The following PLPPR1 variants were observed in gnomAD, a reference collection of about 807,000 sequenced individuals.
PLPPR1 encodes phospholipid phosphatase-related protein type 1.
In PLPPR1, 10 loss-of-function variants were observed where a neutral mutation model predicts 33.1. The ratio of observed to expected loss-of-function variants is 0.30; its 90% CI spans 0.19 to 0.51. PLPPR1 has a LOEUF of 0.51. PLPPR1 is among the 20% of genes least tolerant of loss of function. PLPPR1 has a pLI of 0.97. For synonymous variants in PLPPR1, 151 were observed against 151.0 expected, an observed-to-expected ratio of 1.00 and a Z score of 0.00; for missense variants, 304 against 408.1, an observed-to-expected ratio of 0.74 and a Z score of 2.20.
intron 5 of PLPPR1, 132 bp from the exon 6 acceptor site, chr9:101,312,666 A>T (rs1325747926): frequency 1.6e-6 from 1 of 632,706 alleles, no homozygotes; most frequent in African/African-American, 1.8e-5. Context: ...TGTTCAAGGA[A>T]TACTAGTTAG....
chr9:101,077,788 T>G (rs1416414795), intron 1 of PLPPR1, among the ~76,000 whole-genome samples: 1 of 151,898 alleles, frequency 6.6e-6, no homozygotes, highest in African/African-American at 2.4e-5. Context: ...GGCCTAACCT[T>G]GGGCAAGGCG....
chr9:101,156,762 A>G (rs932891968), intron 1 of PLPPR1, among the ~76,000 whole-genome samples: 2 of 152,090 alleles, frequency 1.3e-5, no homozygotes, highest in East Asian at 3.9e-4. Flanking sequence ...ATGGTATGTC[A>G]ATGGGAAGAG....
intron 4 of PLPPR1, among the ~76,000 whole-genome samples, chr9:101,305,428 A>G (rs1828840981): frequency 1.3e-5 from 2 of 152,186 alleles, no homozygotes; most frequent in South Asian, 4.1e-4. Flanking sequence ...GGCTGTCAGC[A>G]AAGTGCCTTT....
At chr9:101,143,702 G>A (rs1160637222) in intron 1 of PLPPR1, among the ~76,000 whole-genome samples, 3 of 152,184 alleles carry the variant, frequency 2.0e-5, no homozygotes, top group Non-Finnish European at 2.9e-5. Context: ...CTGGCCATCA[G>A]AGAAATGCAA....
intron 1 of PLPPR1, among the ~76,000 whole-genome samples, chr9:101,108,471 A>G (rs982865381): frequency 3.9e-5 from 6 of 152,242 alleles, no homozygotes; most frequent in African/African-American, 1.4e-4. Flanking sequence ...TGTTTTGGAT[A>G]AGTAGTATGA....
At chr9:101,264,527 A>G (rs1409873610) in intron 2 of PLPPR1, among the ~76,000 whole-genome samples, 1 of 152,124 alleles carries the variant, frequency 6.6e-6, no homozygotes, top group African/African-American at 2.4e-5. Flanking sequence ...CCTCCTACAG[A>G]AGACTTGTTG....
chr9:101,029,377 G>C (rs1160108477), intron 1 of PLPPR1, among the ~76,000 whole-genome samples: 2 of 152,208 alleles, frequency 1.3e-5, no homozygotes, highest in Non-Finnish European at 2.9e-5. Flanking sequence ...GAAACGTGGA[G>C]ACAAAGGGGG....
chr9:101,272,683 A>G (rs1027140042), intron 3 of PLPPR1, among the ~76,000 whole-genome samples: 2 of 152,218 alleles, frequency 1.3e-5, no homozygotes, highest in Non-Finnish European at 2.9e-5. Context: ...GTGTGCATAT[A>G]AGTATTTCTA....
At chr9:101,045,326 C>T (rs925580172) in intron 1 of PLPPR1, among the ~76,000 whole-genome samples, 8 of 152,148 alleles carry the variant, frequency 5.3e-5, no homozygotes, top group African/African-American at 1.9e-4. Context: ...TGAAACTAGG[C>T]ACATTCCTGT....
chr9:101,317,252 G>T (rs1829071954), intron 6 of PLPPR1, 113 bp from the exon 7 acceptor site: 1 of 1,164,198 alleles, frequency 8.6e-7, no homozygotes, highest in African/African-American at 1.5e-5. Context: ...TCTCTCAAAG[G>T]AAAAAGGTCA....
chr9:101,202,592 A>T (rs1232882020), intron 2 of PLPPR1, among the ~76,000 whole-genome samples: 2 of 152,194 alleles, frequency 1.3e-5, no homozygotes, highest in African/African-American at 2.4e-5. Context: ...CAAGTAGTTT[A>T]TCTGGGTGGT....
At chr9:101,112,382 CCTA>C (rs1259553848) in intron 1 of PLPPR1, among the ~76,000 whole-genome samples, 1 of 152,122 alleles carries the variant, frequency 6.6e-6, no homozygotes, top group Non-Finnish European at 1.5e-5. Context: ...GCTGTCCTTA[CCTA>C]TTTAGTATTG....
chr9:101,180,318 C>T (rs1200580011), intron 1 of PLPPR1, among the ~76,000 whole-genome samples: 1 of 150,614 alleles, frequency 6.6e-6, no homozygotes, highest in African/African-American at 2.4e-5. Context: ...CCATACTACC[C>T]AAAGAGGTCT....
Position 101,243,046 on chromosome 9 carries a change from G to T in PLPPR1, c.64-26834G>T, listed in dbSNP as rs1164495424. 4.1e-4 allele frequency among the ~76,000 whole-genome samples: 63 copies of T among 152,022 alleles called. 1 individual carries two copies. Among genetic ancestry groups the T allele is most frequent in the Admixed American group, 4.1e-3 (63 of 15,234 alleles). ...AAATTCATTAGGCAAAGAAATGAAA[G>T]AAAGAATAATTGTAGCAGAAGGAAA... On this transcript the variant is annotated intron_variant, in intron 2 of 7. Transcript: ENST00000374874.
intron 1 of PLPPR1, among the ~76,000 whole-genome samples, chr9:101,137,915 T>C (rs958377158): frequency 6.6e-6 from 1 of 152,212 alleles, no homozygotes; most frequent in Admixed American, 6.5e-5. Context: ...TATTCACAAA[T>C]AATAAGCAAG....
intron 4 of PLPPR1, among the ~76,000 whole-genome samples, chr9:101,300,475 T>TGA (rs1828732747): frequency 6.6e-6 from 1 of 152,194 alleles, no homozygotes; most frequent in South Asian, 2.1e-4. Context: ...TTTAAGTTAT[T>TGA]ACATTAGAAC....
At chr9:101,238,745 C>T (rs1301319114) in intron 2 of PLPPR1, among the ~76,000 whole-genome samples, 1 of 151,812 alleles carries the variant, frequency 6.6e-6, no homozygotes, top group South Asian at 2.1e-4. Context: ...GCAATATATT[C>T]GTGTCACAAA....
chr9:101,037,854 G>T (rs1588002337), intron 1 of PLPPR1, among the ~76,000 whole-genome samples: 2 of 138,770 alleles, frequency 1.4e-5, no homozygotes, highest in Non-Finnish European at 1.5e-5. Context: ...TTTGGGTCTA[G>T]TTTTTTTTTT....
chr9:101,300,401 A>C (rs1408447995), intron 4 of PLPPR1, among the ~76,000 whole-genome samples: 2 of 152,196 alleles, frequency 1.3e-5, no homozygotes, highest in Admixed American at 6.5e-5. Context: ...TTGGTCTCGA[A>C]CTTAAGGGAT....
Sources: gnomAD v4.1 joint callset for allele counts (sites outside exome capture counted in the v4.1 genomes callset) on GRCh38, gnomAD v4.1.1 for gene constraint, MANE v1.5 for transcripts, NCBI Gene and HGNC (gene_info 2026-07-23, HGNC 2026-07-21) for gene names.